Variants in SPOCK3 observed in about 807,000 individuals in gnomAD.
SPOCK3 encodes the protein SPARC (osteonectin), cwcv and kazal like domains proteoglycan 3, also known as testican-3.
Under a neutral mutation model 56.6 loss-of-function variants are expected in SPOCK3, and 30 were observed. The observed-to-expected ratio is 0.53, with a 90% CI of 0.40 to 0.72. The LOEUF (loss-of-function observed/expected upper bound fraction) is 0.72. Ranked by LOEUF, SPOCK3 falls within the 30% of genes least tolerant of loss-of-function variation. SPOCK3 has a pLI of 0.00. For synonymous variants in SPOCK3, 196 were observed against 183.3 expected (o/e 1.07, Z -0.56); for missense variants, 527 against 530.0 (o/e 0.99, Z 0.06).
At chr4:166,768,873 G>C (rs1738516361) in intron 7 of SPOCK3, among the ~76,000 whole-genome samples, 1 of 152,148 alleles carries the variant, frequency 6.6e-6, no homozygotes, top group Non-Finnish European at 1.5e-5. Flanking sequence ...TTTGTTGGAA[G>C]CTTTGTTCAT....
rs79431299 is a variant in SPOCK3 at position 166,887,370 on chromosome 4, C to T, written c.589+1760G>A. On this transcript the variant is annotated intron_variant, in intron 6 of 10. Transcript: ENST00000357545. Reference sequence around the variant, plus strand: ...CATCTCAAATGTTGTTCTTAATAGCCTTCAGTGAAAAAACTGGCTCATGGA... The same window carrying T: ...CATCTCAAATGTTGTTCTTAATAGCTTTCAGTGAAAAAACTGGCTCATGGA... 5.8e-3 allele frequency among the ~76,000 whole-genome samples: 880 copies of T among 152,222 alleles called. 4 individuals are homozygous for T. Among genetic ancestry groups the T allele is most frequent in the Non-Finnish European group, 7.3e-3 (494 of 68,004 alleles).
intron 4 of SPOCK3, among the ~76,000 whole-genome samples, chr4:166,921,768 A>G (rs561359249): frequency 5.9e-5 from 9 of 152,326 alleles, no homozygotes; most frequent in East Asian, 1.9e-4. Context: ...TTACTTATAT[A>G]TTATTACTTA....
chr4:166,817,844 G>A (rs1244498974), intron 6 of SPOCK3, among the ~76,000 whole-genome samples: 1 of 151,986 alleles, frequency 6.6e-6, no homozygotes, highest in African/African-American at 2.4e-5. Context: ...GACAGTGACT[G>A]ACAGATACAC....
chr4:166,825,392 A>C (rs1745353762), intron 6 of SPOCK3, among the ~76,000 whole-genome samples: 1 of 152,104 alleles, frequency 6.6e-6, no homozygotes. Context: ...CAGATGTCAA[A>C]AAACACCTTT....
intron 3 of SPOCK3, chr4:167,011,208 C>A: frequency 6.8e-6 from 3 of 439,242 alleles, no homozygotes; most frequent in Non-Finnish European, 1.4e-5. Flanking sequence ...AAAAAAAATG[C>A]GGGAAAAGCT....
chr4:167,041,809 ACT>A (rs1339713783), intron 3 of SPOCK3, among the ~76,000 whole-genome samples: 1 of 152,122 alleles, frequency 6.6e-6, no homozygotes, highest in African/African-American at 2.4e-5. Context: ...CATGGTATTT[ACT>A]CTGATTTGAT....
At chr4:166,916,257 A>T (rs1737840731) in intron 4 of SPOCK3, among the ~76,000 whole-genome samples, 1 of 152,032 alleles carries the variant, frequency 6.6e-6, no homozygotes, top group Admixed American at 6.6e-5. Flanking sequence ...TATAAATATT[A>T]TTATGTTTTT....
intron 9 of SPOCK3, among the ~76,000 whole-genome samples, chr4:166,739,354 C>A (rs1734584498): frequency 6.6e-6 from 1 of 152,120 alleles, no homozygotes; most frequent in African/African-American, 2.4e-5. Context: ...GATTCTCCTA[C>A]CTCAGCCTCC....
chr4:167,177,288 C>T (rs1731068878), intron 2 of SPOCK3, among the ~76,000 whole-genome samples: 1 of 151,900 alleles, frequency 6.6e-6, no homozygotes, highest in Non-Finnish European at 1.5e-5. Context: ...GGACAACTAA[C>T]AGCACTTTTT....
chr4:166,831,750 C>T (rs1746084812), intron 6 of SPOCK3, among the ~76,000 whole-genome samples: 2 of 129,056 alleles, frequency 1.5e-5, no homozygotes, highest in Admixed American at 7.8e-5. Flanking sequence ...TCAATGTTCT[C>T]CATTTTTGTT....
At chr4:167,193,038 G>A (rs1464962526) in intron 2 of SPOCK3, among the ~76,000 whole-genome samples, 2 of 146,118 alleles carry the variant, frequency 1.4e-5, no homozygotes, top group Non-Finnish European at 3.0e-5. Context: ...AAAATGTTCT[G>A]TGTGAGCTTG....
chr4:166,969,277 G>A (rs1298172095), intron 4 of SPOCK3, among the ~76,000 whole-genome samples: 2 of 152,182 alleles, frequency 1.3e-5, no homozygotes, highest in East Asian at 3.9e-4. Context: ...AGGAAGGCAT[G>A]CTTGTGCTTT....
At chr4:167,167,150 T>C (rs1028377435) in intron 2 of SPOCK3, among the ~76,000 whole-genome samples, 11 of 152,136 alleles carry the variant, frequency 7.2e-5, no homozygotes, top group African/African-American at 2.2e-4. Flanking sequence ...TCTATATCTT[T>C]CTTAAGAATG....
chr4:166,978,237 T>A (rs1746171865), intron 4 of SPOCK3, among the ~76,000 whole-genome samples: 1 of 152,202 alleles, frequency 6.6e-6, no homozygotes, highest in South Asian at 2.1e-4. Context: ...ATTTTTTCTG[T>A]TACATGAAAT....
At chr4:167,203,801 A>AT (rs1733759498) in intron 2 of SPOCK3, among the ~76,000 whole-genome samples, 1 of 152,142 alleles carries the variant, frequency 6.6e-6, no homozygotes, top group East Asian at 1.9e-4. Context: ...CACATATGAG[A>AT]TAAAAAATAT....
intron 3 of SPOCK3, among the ~76,000 whole-genome samples, chr4:167,045,685 G>T (rs1342928695): frequency 6.6e-6 from 1 of 151,978 alleles, no homozygotes; most frequent in Non-Finnish European, 1.5e-5. Flanking sequence ...GGTAGTGCAA[G>T]TACCTTACAA....
At chr4:166,750,777 G>T (rs1204285165) in intron 8 of SPOCK3, among the ~76,000 whole-genome samples, 1 of 152,154 alleles carries the variant, frequency 6.6e-6, no homozygotes, top group African/African-American at 2.4e-5. Context: ...ATACGTATAT[G>T]TTTCCAACAG....
intron 3 of SPOCK3, among the ~76,000 whole-genome samples, chr4:167,049,476 A>G (rs1754004435): frequency 6.6e-6 from 1 of 152,184 alleles, no homozygotes; most frequent in Non-Finnish European, 1.5e-5. Context: ...GGATTTTGAA[A>G]TACAAACTCA....
chr4:166,965,040 C>CT (rs1406486680), intron 4 of SPOCK3, among the ~76,000 whole-genome samples: 1 of 151,834 alleles, frequency 6.6e-6, no homozygotes, highest in East Asian at 1.9e-4. Context: ...AGCTCTTACA[C>CT]TTTTTTGAAA....
Sources: allele counts gnomAD v4.1 joint callset (sites outside exome capture counted in the v4.1 genomes callset), GRCh38; gene constraint gnomAD v4.1.1; transcripts MANE v1.5; gene names NCBI Gene and HGNC (gene_info 2026-07-23, HGNC 2026-07-21).